The following MAGI1 variants were observed in gnomAD, a reference collection of about 807,000 sequenced individuals.
The protein encoded by MAGI1 is membrane-associated guanylate kinase, WW and PDZ domain-containing protein 1.
A neutral mutation model predicts 139.9 loss-of-function variants in MAGI1; 58 were observed. The ratio of observed to expected loss-of-function variants is 0.41; its 90% CI spans 0.34 to 0.52. The LOEUF is 0.52. Ranked by LOEUF, MAGI1 falls within the 20% of genes least tolerant of loss-of-function variation. The pLI, the probability that MAGI1 is intolerant of heterozygous loss-of-function variation, is 0.12. For synonymous variants in MAGI1, 812 were observed against 737.9 expected, an observed-to-expected ratio of 1.10 and a Z score of -1.63; for missense variants, 1,874 against 1,901.6, an observed-to-expected ratio of 0.99 and a Z score of 0.27.
intron 1 of MAGI1, among the ~76,000 whole-genome samples, chr3:65,733,706 A>C (rs1268403968): frequency 1.3e-5 from 2 of 152,228 alleles, no homozygotes; most frequent in African/African-American, 2.4e-5. Flanking sequence ...CTTAATCTTG[A>C]AACAAAGTGG....
intron 2 of MAGI1, among the ~76,000 whole-genome samples, chr3:65,494,561 T>G (rs536807423): frequency 4.4e-4 from 67 of 152,348 alleles, no homozygotes; most frequent in African/African-American, 1.5e-3. Flanking sequence ...GCAAAAAATG[T>G]GACTTCTGCT....
intron 1 of MAGI1, among the ~76,000 whole-genome samples, chr3:65,807,451 C>T (rs1041670859): frequency 3.9e-5 from 6 of 152,196 alleles, no homozygotes; most frequent in Non-Finnish European, 8.8e-5. Context: ...AAAGGCCACA[C>T]CTCTTAACAC....
intron 1 of MAGI1, among the ~76,000 whole-genome samples, chr3:65,634,589 G>A (rs1576548456): frequency 6.6e-6 from 1 of 152,176 alleles, no homozygotes; most frequent in Admixed American, 6.5e-5. Context: ...AATAGTATCT[G>A]CTCAAAAGGG....
At chr3:65,549,436 C>T in intron 2 of MAGI1, 1 of 985,282 alleles carries the variant, frequency 1.0e-6, no homozygotes, top group Non-Finnish European at 1.2e-6. Context: ...CCCCGGAGTT[C>T]GCCTCGGTCA....
At chr3:65,996,664 G>A (rs2066465808) in intron 1 of MAGI1, among the ~76,000 whole-genome samples, 1 of 152,094 alleles carries the variant, frequency 6.6e-6, no homozygotes, top group Admixed American at 6.5e-5. Flanking sequence ...GTCAAAGTTG[G>A]GTGGAGAACT....
intron 2 of MAGI1, among the ~76,000 whole-genome samples, chr3:65,611,821 C>G (rs1576477123): frequency 1.3e-5 from 2 of 151,492 alleles, no homozygotes; most frequent in African/African-American, 4.8e-5. Context: ...ACCAACCTGA[C>G]TGAGCTGCAG....
chr3:65,532,540 C>T lies in MAGI1; in HGVS notation c.431-38909G>A, dbSNP rs372970475. Among the ~76,000 whole-genome samples, 51 of 152,300 alleles carry T rather than the reference C, an allele frequency of 3.3e-4. 1 individual carries two copies. The South Asian group carries it at 8.1e-3, about 24-fold the overall frequency. ...AGTATGTGTAACTTTCAGGAAAAGA[C>T]CTTAAATAGAGAAGGCACATCTCTC... On this transcript the variant is annotated intron_variant, in intron 2 of 22. Coordinates refer to ENST00000402939, the MANE Select transcript of MAGI1 (RefSeq NM_001033057.2).
At chr3:65,927,576 A>C (rs543449825) in intron 1 of MAGI1, among the ~76,000 whole-genome samples, 1 of 152,234 alleles carries the variant, frequency 6.6e-6, no homozygotes, top group Non-Finnish European at 1.5e-5. Context: ...CCAAGAAATC[A>C]GGGTGCTTCT....
intron 1 of MAGI1, among the ~76,000 whole-genome samples, chr3:65,783,773 C>T (rs192879937): frequency 0.048 from 6,589 of 137,030 alleles, 231 homozygotes; most frequent in African/African-American, 0.1. Flanking sequence ...GCTGAGATTA[C>T]AGGTGTGAGC....
chr3:66,007,515 G>A (rs188873808), intron 1 of MAGI1, among the ~76,000 whole-genome samples: 33 of 152,320 alleles, frequency 2.2e-4, no homozygotes, highest in Non-Finnish European at 2.9e-4. Context: ...GGAGGAGAGC[G>A]AGGAAGAGGA....
intron 1 of MAGI1, among the ~76,000 whole-genome samples, chr3:65,860,767 T>C (rs539256016): frequency 6.6e-6 from 1 of 152,316 alleles, no homozygotes; most frequent in African/African-American, 2.4e-5. Context: ...TTTCCCCAGC[T>C]TCTCTGAGAA....
intron 1 of MAGI1, among the ~76,000 whole-genome samples, chr3:65,926,197 T>C (rs1055788721): frequency 6.6e-6 from 1 of 152,246 alleles, no homozygotes; most frequent in South Asian, 2.1e-4. Flanking sequence ...GGAAATTTTA[T>C]TACATTATTG....
chr3:65,712,569 G>A (rs906418253), intron 1 of MAGI1, among the ~76,000 whole-genome samples: 3 of 151,912 alleles, frequency 2.0e-5, no homozygotes, highest in African/African-American at 4.8e-5. Flanking sequence ...TTGGAGTGCA[G>A]CAGCGTGATC....
intron 1 of MAGI1, among the ~76,000 whole-genome samples, chr3:65,823,061 G>T (rs1461729059): frequency 6.6e-6 from 1 of 152,094 alleles, no homozygotes; most frequent in Non-Finnish European, 1.5e-5. Flanking sequence ...TTGAATACTG[G>T]ATATTTGACA....
chr3:65,982,662 A>C (rs2065649808), intron 1 of MAGI1, among the ~76,000 whole-genome samples: 1 of 152,174 alleles, frequency 6.6e-6, no homozygotes. Context: ...CTTGTATTGT[A>C]GAGTGTGTGG....
intron 4 of MAGI1, among the ~76,000 whole-genome samples, chr3:65,472,778 G>C (rs780401866): frequency 6.6e-6 from 1 of 152,212 alleles, no homozygotes; most frequent in Non-Finnish European, 1.5e-5. Context: ...TGCCCTGGAG[G>C]AGAGTGGACT....
intron 1 of MAGI1, among the ~76,000 whole-genome samples, chr3:65,794,576 G>A (rs746719019): frequency 4.6e-5 from 7 of 152,070 alleles, no homozygotes; most frequent in Non-Finnish European, 7.4e-5. Flanking sequence ...GGTGTCAATG[G>A]TGAACCTTTC....
chr3:65,596,075 A>G (rs2082181153), intron 2 of MAGI1, among the ~76,000 whole-genome samples: 1 of 152,232 alleles, frequency 6.6e-6, no homozygotes, highest in Non-Finnish European at 1.5e-5. Context: ...AAGTTAAATC[A>G]CGAAAAGAAT....
chr3:65,845,118 G>C (rs892182280), intron 1 of MAGI1, among the ~76,000 whole-genome samples: 3 of 151,992 alleles, frequency 2.0e-5, no homozygotes, highest in Admixed American at 1.3e-4. Flanking sequence ...GGGTGTGGTG[G>C]TGCACGCCTG....
Sources: gnomAD v4.1 joint callset for allele counts (sites outside exome capture counted in the v4.1 genomes callset) on GRCh38, gnomAD v4.1.1 for gene constraint, MANE v1.5 for transcripts, NCBI Gene and HGNC (gene_info 2026-07-23, HGNC 2026-07-21) for gene names.